Variants in DRC12 observed in about 807,000 individuals in gnomAD.
The protein encoded by DRC12 is dynein regulatory complex subunit 12 homolog.
chr11:119,192,771 C>T, the DRC12 span, among the ~76,000 whole-genome samples: 2 of 152,138 alleles, frequency 1.3e-5, no homozygotes, highest in African/African-American at 2.4e-5. Flanking sequence ...TTCAGCCTCC[C>T]GAGTAGCTGG....
chr11:119,193,666 C>T, the DRC12 span: 46 of 1,504,790 alleles, frequency 3.1e-5, no homozygotes, highest in African/African-American at 1.4e-4. Flanking sequence ...GCCTGGCAGT[C>T]GGAAGCCCTC....
chr11:119,191,977 CTTTT>C, the DRC12 span, among the ~76,000 whole-genome samples: 3 of 137,324 alleles, frequency 2.2e-5, no homozygotes, highest in Admixed American at 7.2e-5. Flanking sequence ...AACCGAAGGC[CTTTT>C]TTTTTTTTTT....
chr11:119,195,630 C>A, the DRC12 span: 1 of 657,858 alleles, frequency 1.5e-6, no homozygotes, highest in Non-Finnish European at 2.6e-6. Context: ...AGTTCACAGT[C>A]TCTTTGGAAC....
the DRC12 span, among the ~76,000 whole-genome samples, chr11:119,191,771 C>T: frequency 6.6e-6 from 1 of 151,844 alleles, no homozygotes; most frequent in Admixed American, 6.6e-5. Flanking sequence ...TTTGCCATTG[C>T]ACTCCAGAAT....
chr11:119,194,541 A>AAAAAAAAAAAAAAAG, the DRC12 span, among the ~76,000 whole-genome samples: 10 of 66,002 alleles, frequency 1.5e-4, 2 homozygotes, highest in African/African-American at 2.5e-4. Context: ...AAAAAAAAAA[A>AAAAAAAAAAAAAAAG]AAAATAAATA....
the DRC12 span, chr11:119,195,150 G>A: frequency 1.8e-5 from 12 of 658,090 alleles, no homozygotes; most frequent in African/African-American, 7.3e-5. Flanking sequence ...AGTCAGCACC[G>A]TGTCCTCACC....
the DRC12 span, chr11:119,194,948 C>T: frequency 1.9e-6 from 3 of 1,551,616 alleles, no homozygotes; most frequent in Non-Finnish European, 2.6e-6. Context: ...GCAGCTCCTT[C>T]TCCAGCACCA....
the DRC12 span, chr11:119,193,896 T>C: frequency 6.4e-7 from 1 of 1,550,866 alleles, no homozygotes; most frequent in Non-Finnish European, 8.7e-7. Flanking sequence ...CTGTGAGCAG[T>C]CCCAGAGCCG....
At chr11:119,194,004 C>A in the DRC12 span, 1 of 976,646 alleles carries the variant, frequency 1.0e-6, no homozygotes, top group African/African-American at 1.6e-5. Flanking sequence ...CAGCCTCTTA[C>A]TCTCTCTCTG....
chr11:119,194,240 C>A, the DRC12 span, among the ~76,000 whole-genome samples: 1 of 151,900 alleles, frequency 6.6e-6, no homozygotes, highest in Non-Finnish European at 1.5e-5. Flanking sequence ...TAGGGCCAGG[C>A]GCGGTGGCTC....
At chr11:119,194,541 A>AAAG in the DRC12 span, among the ~76,000 whole-genome samples, 7,733 of 65,556 alleles carry the variant, frequency 0.12, 1,748 homozygotes, top group East Asian at 0.27. Context: ...AAAAAAAAAA[A>AAAG]AAAATAAATA....
the DRC12 span, among the ~76,000 whole-genome samples, chr11:119,191,022 G>T: frequency 6.6e-6 from 1 of 152,114 alleles, no homozygotes; most frequent in Non-Finnish European, 1.5e-5. Context: ...GAGAGTGGCG[G>T]GCTTGAGATA....
the DRC12 span, among the ~76,000 whole-genome samples, chr11:119,194,515 C>CAAAAAAAA: frequency 3.7e-3 from 103 of 27,478 alleles, no homozygotes; most frequent in East Asian, 5.8e-3. Context: ...GACTCTGTCT[C>CAAAAAAAA]AAAAAAAAAA....
chr11:119,194,527 A>AT, the DRC12 span, among the ~76,000 whole-genome samples: 12 of 133,224 alleles, frequency 9.0e-5, no homozygotes, highest in African/African-American at 3.1e-4. Context: ...AAAAAAAAAA[A>AT]AAAAAAAAAA....
At chr11:119,195,304 G>A in the DRC12 span, 2 of 876,696 alleles carry the variant, frequency 2.3e-6, no homozygotes, top group Admixed American at 2.6e-5. Context: ...CATGAAAGAG[G>A]TAGGTCAAGA....
At chr11:119,195,338 G>A in the DRC12 span, 24 of 1,243,118 alleles carry the variant, frequency 1.9e-5, no homozygotes, top group African/African-American at 3.3e-4. Context: ...TCCTGCAGAA[G>A]GCTGAATTCT....
At chr11:119,190,557 TCC>T in the DRC12 span, 7 of 1,557,180 alleles carry the variant, frequency 4.5e-6, no homozygotes, top group Non-Finnish European at 5.3e-6. The surrounding 1 kb of genome is among the most constrained non-coding windows in gnomAD (Gnocchi z 4.2). Flanking sequence ...CATGGTCGTA[TCC>T]CCTCTGTCTG....
At chr11:119,193,568 C>T in the DRC12 span, 1 of 1,431,888 alleles carries the variant, frequency 7.0e-7, no homozygotes, top group East Asian at 2.5e-5. Context: ...TCCTGGAAGG[C>T]CCCTGCCTGG....
chr11:119,194,812 G>T, the DRC12 span: 2 of 655,520 alleles, frequency 3.1e-6, no homozygotes, highest in Middle Eastern at 2.6e-4. Context: ...GGGATGGTTA[G>T]GGTCAACTTA....
Sources: gnomAD v4.1 joint callset for allele counts (sites outside exome capture counted in the v4.1 genomes callset) on GRCh38, gnomAD v4.1.1 for gene constraint, Gnocchi (gnomAD v3.1) non-coding constraint, MANE v1.5 for transcripts, NCBI Gene and HGNC (gene_info 2026-07-23, HGNC 2026-07-21) for gene names.